The following SLC47A2 variants were observed in gnomAD, a reference collection of about 807,000 sequenced individuals.
SLC47A2 encodes multidrug and toxin extrusion protein 2.
A neutral mutation model predicts 67.7 loss-of-function variants in SLC47A2; 52 were observed. The ratio of observed to expected loss-of-function variants is 0.77; its 90% CI spans 0.61 to 0.97. SLC47A2 has a LOEUF of 0.97. Ranked by LOEUF, SLC47A2 falls within the 50% of genes least tolerant of loss-of-function variation. The probability of loss-of-function intolerance (pLI) is 0.00; values close to 1 mark genes in which losing one functional copy is unlikely to be tolerated. For synonymous variants in SLC47A2, 278 were observed against 292.9 expected (o/e 0.95, Z 0.52); for missense variants, 676 against 712.3 (o/e 0.95, Z 0.58).
At chr17:19,683,884 TAAAA>T (rs958582756) in intron 13 of SLC47A2, among the ~76,000 whole-genome samples, 1 of 151,940 alleles carries the variant, frequency 6.6e-6, no homozygotes, top group South Asian at 2.1e-4. Flanking sequence ...AAGCTAGACT[TAAAA>T]AAATAAGAAC....
intron 6 of SLC47A2, 43 bp from the exon 7 acceptor site, chr17:19,708,442 T>C: frequency 6.2e-7 from 1 of 1,614,068 alleles, no homozygotes; most frequent in Non-Finnish European, 8.5e-7. Context: ...GTGAGTGAGA[T>C]GGATGGAGGA....
chr17:19,714,712 G>C lies in SLC47A2; in HGVS notation c.294+9C>G, dbSNP rs1437831952. 3 of 1,613,928 alleles carry C rather than the reference G, an allele frequency of 1.9e-6. No homozygotes were observed. The South Asian group carries it at 3.3e-5, about 18-fold the overall frequency. ...CTGGCTTCCTGCCCAGCTCCAGGAG[G>C]CCACCCACCTGAGACATCAAGGTGT... On this transcript the variant is annotated intron_variant, in intron 3 of 16. Coordinates refer to ENST00000433844, the MANE Select transcript of SLC47A2 (RefSeq NM_001099646.3).
chr17:19,709,070 G>A (rs1310087512), intron 5 of SLC47A2, among the ~76,000 whole-genome samples: 3 of 152,218 alleles, frequency 2.0e-5, no homozygotes, highest in Admixed American at 2.0e-4. Flanking sequence ...TAGGCCTTCC[G>A]GCTGCTAAGC....
At position 19,708,364 on chromosome 17, in the gene SLC47A2, C is replaced by T; in HGVS notation, c.567G>A (p.Val189=). ...TGGCCACACCGTTGACACAGTTGCCCACCACACCACTGAGGACTTGGGGCC... is the reference window on the plus strand; with the variant it reads ...TGGCCACACCGTTGACACAGTTGCCTACCACACCACTGAGGACTTGGGGCC... ...ITWPQVLSGV[V]GNCVNGVANY... is the part of the protein sequence containing the mutation. The change falls in exon 7 of 17, where the codon GTG becomes GTA. Residue 189 remains valine (V), a synonymous_variant. Coordinates refer to ENST00000433844, the MANE Select transcript of SLC47A2 (RefSeq NM_001099646.3). The T allele has an allele frequency of 1.2e-6, 2 of 1,613,984 alleles. No individual in the cohort carries two copies. The highest frequency in any genetic ancestry group is 1.1e-5 in the South Asian group (1 of 91,066).
At position 19,681,472 on chromosome 17, in the gene SLC47A2, CAAGTG is replaced by C; in HGVS notation, c.1298-16_1298-12del. The stretch of plus-strand genomic sequence containing the variant: ...TGCCCAGCCAGAGGCCTGGAGGAGA[CAAGTG>C]ATGATGGGAACAATGTCCGACGACC... On this transcript the variant is annotated splice_polypyrimidine_tract_variant and intron_variant, in intron 14 of 16. Transcript: ENST00000433844. 1 of 1,614,076 alleles carries C rather than the reference CAAGTG, an allele frequency of 6.2e-7. No individual in the cohort carries two copies.
In SLC47A2 at chr17:19,705,443, GT is replaced by G. The variant is rs2085905635; in HGVS notation, c.901del (p.Thr301ProfsTer3). 6.2e-7 allele frequency: 1 copy of G among 1,611,894 alleles called. No homozygotes were observed. Among genetic ancestry groups the G allele is most frequent in the African/African-American group, 1.3e-5 (1 of 74,808 alleles). On this transcript the variant is annotated frameshift_variant, in exon 10 of 17. Coordinates refer to ENST00000433844, the MANE Select transcript of SLC47A2 (RefSeq NM_001099646.3). LOFTEE classifies it high-confidence loss of function. The part of the protein sequence containing the change: ...QAVIYEVATV[T>X]YMIPLGLSIG... ...CCCCTGCAGGAGCCTTACCATGTAG[GT>G]CACAGTGGCCACCTCGTAGATGACA... is the stretch of plus-strand genomic sequence containing the variant.
At chr17:19,712,816 T>C in intron 4 of SLC47A2, 71 bp from the exon 5 acceptor site, 2 of 1,485,878 alleles carry the variant, frequency 1.3e-6, no homozygotes, top group Admixed American at 1.9e-5. Context: ...CTCCCCTGTG[T>C]CCTCCAGGAC....
At chr17:19,715,314 G>C in intron 1 of SLC47A2, 97 bp from the exon 2 acceptor site, 1 of 1,101,052 alleles carries the variant, frequency 9.1e-7, no homozygotes, top group South Asian at 1.3e-5. Flanking sequence ...CCCCGCACCA[G>C]TGCCCCGAGA....
In SLC47A2 at chr17:19,713,954, T is replaced by C. The variant is rs561266898; in HGVS notation, c.314A>G (p.Lys105Arg). The C allele has an allele frequency of 1.2e-6, 2 of 1,612,862 alleles. No homozygotes were observed. The highest frequency in any genetic ancestry group is 1.7e-6 in the Non-Finnish European group (2 of 1,179,274). ...CTGCAGGATCACGCCCACGTGCTTC[T>C]TGTTGGGGCTGCCGAAGCTCTGCAA... Reference protein sequence around the residue: ...LMSQSFGSPNKKHVGVILQRG... With the variant: ...LMSQSFGSPNRKHVGVILQRG... Residue 105 changes from lysine to arginine, a missense_variant, in exon 4 of 17, where the codon AAG becomes AGG. Lys to Arg is a conservative substitution (Grantham distance 26). Coordinates refer to ENST00000433844, the MANE Select transcript of SLC47A2 (RefSeq NM_001099646.3).
In SLC47A2 at chr17:19,715,142, GC is replaced by G. The variant is rs759772576; in HGVS notation, c.198del (p.Glu66AspfsTer5). The G allele has an allele frequency of 3.1e-6, 5 of 1,612,474 alleles. No individual in the cohort carries two copies. The highest frequency in any genetic ancestry group is 1.7e-6 in the Non-Finnish European group (2 of 1,180,000). ...TVFCGHLGKV[E>X]LASVTLAVAF... ...GCCACCGCGAGGGTCACCGATGCCA[GC>G]TCCACCTTGCCCAGGTGCCCGCAGA... On this transcript the variant is annotated frameshift_variant, in exon 2 of 17. Coordinates refer to ENST00000433844, the MANE Select transcript of SLC47A2 (RefSeq NM_001099646.3). LOFTEE classifies it high-confidence loss of function.
Position 19,704,098 on chromosome 17 carries a change from G to T in SLC47A2, c.990C>A (p.Arg330=), listed in dbSNP as rs1255804866. Residue 330 remains arginine (R), a synonymous_variant, in exon 11 of 17, where the codon CGC becomes CGA. Transcript: ENST00000433844. ...LGAADTVQAK[R]SAVSGVLSIV... is the part of the protein sequence containing the mutation. ...TGCTGAGCACGCCCGAGACGGCCGA[G>T]CGCTTGGCCTGCACAGTATCCGCAG... 3 of 1,610,908 alleles carry T rather than the reference G, an allele frequency of 1.9e-6. No homozygotes were observed. In the African/African-American group the frequency reaches 4.0e-5, roughly 22 times the overall value.
Position 19,678,689 on chromosome 17 carries a change from G to A in SLC47A2, c.1698C>T (p.His566=). 6.2e-7 allele frequency: 1 copy of A among 1,611,898 alleles called. No homozygotes were observed. The highest frequency in any genetic ancestry group is 1.3e-5 in the African/African-American group (1 of 74,974). ...TTTCTATTTCCAAGCTTCTTTGCTA[G>A]TGCCTGGTGGCTAGGATCCTGACCG... The part of the protein sequence containing the change: ...GLTVRILATR[H] Residue 566 remains histidine, a synonymous_variant, in exon 17 of 17, where the codon CAC becomes CAT. Coordinates refer to ENST00000433844, the MANE Select transcript of SLC47A2 (RefSeq NM_001099646.3).
At chr17:19,680,091 C>T (rs1282533504) in intron 15 of SLC47A2, 52 bp from the exon 16 acceptor site, 3 of 1,556,966 alleles carry the variant, frequency 1.9e-6, no homozygotes, top group Non-Finnish European at 2.6e-6. Context: ...ACAGTTCACC[C>T]CTTCACTGCT....
Position 19,714,774 on chromosome 17 carries a change from C to T in SLC47A2, c.241G>A (p.Gly81Arg), listed in dbSNP as rs148775490. ...GACAAACCAACTCCTACAGAAACTC[C>T]GCAGACATTGACAAACTGGCGCCAC... is the stretch of plus-strand genomic sequence containing the variant. ...TLAVAFVNVC[G>R]VSVGVGLSSA... The change falls in exon 3 of 17, where the codon GGA (glycine) becomes AGA (arginine). Residue 81 changes from glycine to arginine, a missense_variant. Transcript: ENST00000433844. The T allele has an allele frequency of 1.3e-4, 209 of 1,613,994 alleles. No individual in the cohort carries two copies. Among genetic ancestry groups the T allele is most frequent in the Admixed American group, 5.3e-4 (32 of 60,018 alleles).
At chr17:19,702,696 A>G (rs376702922) in intron 12 of SLC47A2, 22 bp from the exon 13 acceptor site, 3 of 1,612,988 alleles carry the variant, frequency 1.9e-6, no homozygotes, top group Non-Finnish European at 8.5e-7. Flanking sequence ...ATGAGAAAGC[A>G]TTAAGACACA....
intron 5 of SLC47A2, 104 bp downstream of exon 5, chr17:19,712,599 A>AAT: frequency 8.2e-7 from 1 of 1,226,156 alleles, no homozygotes. Context: ...GCCCAGCAGG[A>AAT]AGTCACAGCA....
intron 3 of SLC47A2, 136 bp from the exon 4 acceptor site, chr17:19,714,109 C>T (rs914069690): frequency 1.6e-6 from 2 of 1,222,206 alleles, no homozygotes; most frequent in Middle Eastern, 5.8e-4. Flanking sequence ...AGCCTGGCGC[C>T]CGCAGCCTGT....
In SLC47A2 at chr17:19,678,375, C is replaced by T; in HGVS notation, c.*311G>A. ...GTTTTTGTGATTTTATCTGCAGTGTCCCATTTGAAGCCATTTACATTATTA... is the reference window on the plus strand; with the variant it reads ...GTTTTTGTGATTTTATCTGCAGTGTTCCATTTGAAGCCATTTACATTATTA... On this transcript the variant is annotated 3_prime_UTR_variant, in exon 17 of 17. Transcript: ENST00000433844. The T allele has an allele frequency of 2.9e-6, 1 of 339,610 alleles. No individual in the cohort carries two copies. Among genetic ancestry groups the T allele is most frequent in the Non-Finnish European group, 5.5e-6 (1 of 182,286 alleles). The allele number at this position is 339,610 out of a possible 1,614,324, so 21.0% of individuals were successfully genotyped here. A position where few individuals can be genotyped will look rare whatever the true frequency, so the allele number is the denominator to read the frequency against.
intron 5 of SLC47A2, among the ~76,000 whole-genome samples, chr17:19,711,762 G>A (rs944415204): frequency 6.6e-6 from 1 of 151,924 alleles, no homozygotes; most frequent in African/African-American, 2.4e-5. Context: ...TCACTGAGCC[G>A]TCCACTTCCA....
Sources: allele counts gnomAD v4.1 joint callset (sites outside exome capture counted in the v4.1 genomes callset), GRCh38; gene constraint gnomAD v4.1.1; transcripts MANE v1.5; gene names NCBI Gene and HGNC (gene_info 2026-07-23, HGNC 2026-07-21).